Variants in MMP26 observed in about 807,000 individuals in gnomAD.
The protein encoded by MMP26 is matrix metalloproteinase-26.
Under a neutral mutation model 31.0 loss-of-function variants are expected in MMP26, and 33 were observed. The ratio of observed to expected loss-of-function variants is 1.06; its 90% CI spans 0.81 to 1.42. The LOEUF (loss-of-function observed/expected upper bound fraction) is 1.42, where lower values mean the gene tolerates loss of function less well. Ranked by LOEUF, MMP26 falls within the 40% of genes most tolerant of loss-of-function variation. The pLI is 0.00. For synonymous variants in MMP26, 122 were observed against 114.9 expected, an observed-to-expected ratio of 1.06 and a Z score of -0.40; for missense variants, 347 against 316.1, an observed-to-expected ratio of 1.10 and a Z score of -0.74.
At chr11:4,733,531 A>G (rs1488872760) in intron 1 of MMP26, among the ~76,000 whole-genome samples, 1 of 152,130 alleles carries the variant, frequency 6.6e-6, no homozygotes, top group African/African-American at 2.4e-5. Flanking sequence ...TTGTTCTGCA[A>G]CTTGTCTGAA....
chr11:4,769,548 G>A (rs776481103), intron 2 of MMP26: 35 of 1,613,226 alleles, frequency 2.2e-5, no homozygotes, highest in East Asian at 4.5e-5. Flanking sequence ...GCCACATAAC[G>A]GTCAAAGGCT....
At chr11:4,830,505 C>T (rs1274916555) in intron 2 of MMP26, among the ~76,000 whole-genome samples, 1 of 152,104 alleles carries the variant, frequency 6.6e-6, no homozygotes, top group Admixed American at 6.6e-5. Context: ...AATAGTAACT[C>T]ATGTATTGAG....
chr11:4,882,961 G>T, intron 2 of MMP26: 1 of 1,143,328 alleles, frequency 8.7e-7, no homozygotes, highest in Non-Finnish European at 1.2e-6. Context: ...AGGTGTTTTG[G>T]TTGCTGAGTC....
intron 2 of MMP26, among the ~76,000 whole-genome samples, chr11:4,809,423 G>C (rs543850809): frequency 6.6e-6 from 1 of 152,318 alleles, no homozygotes; most frequent in East Asian, 1.9e-4. Flanking sequence ...GACTGGGTTT[G>C]ATTCCAACTA....
chr11:4,812,578 G>C (rs1849364540), intron 2 of MMP26, among the ~76,000 whole-genome samples: 1 of 152,214 alleles, frequency 6.6e-6, no homozygotes, highest in African/African-American at 2.4e-5. Flanking sequence ...GCTTTGATTA[G>C]GCTACCGAAT....
At chr11:4,848,005 G>C in intron 2 of MMP26, 1 of 498,630 alleles carries the variant, frequency 2.0e-6, no homozygotes, top group South Asian at 3.6e-5. Context: ...CTGGACTCTG[G>C]CCCTTCCTAT....
intron 1 of MMP26, among the ~76,000 whole-genome samples, chr11:4,715,485 A>T (rs944341995): frequency 5.9e-5 from 9 of 152,138 alleles, no homozygotes; most frequent in Non-Finnish European, 1.0e-4. Context: ...TGGATCTAAA[A>T]TTTTTTGTCT....
chr11:4,898,829 CTCTGTGTGTGTGTGTGTGTGTG>C (rs1238438038), intron 2 of MMP26, among the ~76,000 whole-genome samples: 4 of 125,524 alleles, frequency 3.2e-5, no homozygotes, highest in Middle Eastern at 4.3e-3. Flanking sequence ...CTCTCTCTCT[CTCTGTGTGTGTGTGTGTGTGTG>C]TGTGTGTGTG....
intron 1 of MMP26, among the ~76,000 whole-genome samples, chr11:4,726,354 T>C (rs1475249475): frequency 1.3e-5 from 2 of 151,644 alleles, no homozygotes; most frequent in Non-Finnish European, 2.9e-5. Flanking sequence ...TCCCAGCTAC[T>C]CGAAGGCTGA....
At chr11:4,817,394 G>A (rs1849436565) in intron 2 of MMP26, among the ~76,000 whole-genome samples, 1 of 152,106 alleles carries the variant, frequency 6.6e-6, no homozygotes, top group South Asian at 2.1e-4. Context: ...GACCAGCCTG[G>A]ACAATGTAAT....
At chr11:4,764,182 T>C (rs1848600707) in intron 1 of MMP26, among the ~76,000 whole-genome samples, 1 of 152,238 alleles carries the variant, frequency 6.6e-6, no homozygotes, top group Admixed American at 6.5e-5. Context: ...CATCTAATCA[T>C]GATTTTGTAA....
chr11:4,815,415 A>G (rs961108089), intron 2 of MMP26, among the ~76,000 whole-genome samples: 3 of 152,220 alleles, frequency 2.0e-5, no homozygotes, highest in Non-Finnish European at 4.4e-5. Flanking sequence ...GCAGGTATGT[A>G]GCTTTTTATA....
At chr11:4,868,224 C>G (rs955819854) in intron 2 of MMP26, among the ~76,000 whole-genome samples, 3 of 152,078 alleles carry the variant, frequency 2.0e-5, no homozygotes, top group Admixed American at 6.6e-5. Context: ...GGGGGAACAA[C>G]ACACACTCAG....
chr11:4,972,824 C>A (rs796527192), intron 2 of MMP26: 1 of 152,120 alleles, frequency 6.6e-6, no homozygotes, highest in Non-Finnish European at 1.5e-5. Flanking sequence ...ATTCTTTAAT[C>A]CTAATGAACA....
chr11:4,856,580 G>T (rs1850056821), intron 2 of MMP26, among the ~76,000 whole-genome samples: 1 of 152,080 alleles, frequency 6.6e-6, no homozygotes, highest in Non-Finnish European at 1.5e-5. Context: ...AGCAAGTCCT[G>T]AGTGACCTAC....
At chr11:4,852,614 G>A (rs1432366910) in intron 2 of MMP26, among the ~76,000 whole-genome samples, 1 of 152,034 alleles carries the variant, frequency 6.6e-6, no homozygotes, top group Non-Finnish European at 1.5e-5. Context: ...TTACATTGTT[G>A]GTAGGAGTAT....
intron 2 of MMP26, among the ~76,000 whole-genome samples, chr11:4,978,970 T>C (rs1846777183): frequency 6.6e-6 from 1 of 152,124 alleles, no homozygotes; most frequent in South Asian, 2.1e-4. Flanking sequence ...CATGATACAT[T>C]GAGCTTGCTT....
intron 2 of MMP26, among the ~76,000 whole-genome samples, chr11:4,929,911 G>A (rs1294789758): frequency 6.6e-6 from 1 of 151,964 alleles, no homozygotes; most frequent in African/African-American, 2.4e-5. Flanking sequence ...TGTAGCAATA[G>A]TATGAATGCA....
At chr11:4,843,464 T>C (rs1849824285) in intron 2 of MMP26, among the ~76,000 whole-genome samples, 1 of 152,218 alleles carries the variant, frequency 6.6e-6, no homozygotes, top group Admixed American at 6.5e-5. Flanking sequence ...CTGCTATGGC[T>C]TGGGACCTGC....
Sources: allele counts gnomAD v4.1 joint callset (sites outside exome capture counted in the v4.1 genomes callset), GRCh38; gene constraint gnomAD v4.1.1; transcripts MANE v1.5; gene names NCBI Gene and HGNC (gene_info 2026-07-23, HGNC 2026-07-21).